Variants in CNTN5 observed in about 807,000 individuals in gnomAD.
CNTN5 encodes the protein contactin 5, also known as contactin-5.
In CNTN5, 77 loss-of-function variants were observed where a neutral mutation model predicts 129.1. The ratio of observed to expected loss-of-function variants is 0.60; its 90% confidence interval spans 0.50 to 0.72. The LOEUF is 0.72. Among genes scored for constraint, CNTN5 ranks in the 30% least tolerant of loss-of-function variants. CNTN5 has a pLI of 0.00. For synonymous variants in CNTN5, 509 were observed against 465.6 expected (o/e 1.09, Z -1.20); for missense variants, 1,478 against 1,328.8 (o/e 1.11, Z -1.75).
intron 19 of CNTN5, 82 bp from the exon 20 acceptor site, chr11:100,299,080 A>AT (rs1349342019): frequency 3.7e-5 from 33 of 886,962 alleles, no homozygotes; most frequent in East Asian, 1.6e-4. Flanking sequence ...GCTATCTATA[A>AT]TTTTTTTTAA....
At chr11:100,002,240 C>T in intron 9 of CNTN5, 104 bp downstream of exon 9, 1 of 652,688 alleles carries the variant, frequency 1.5e-6, no homozygotes, top group South Asian at 2.7e-5. Flanking sequence ...CCCAGTTGTT[C>T]CATGGTGGCT....
rs200731024 is a variant in CNTN5, at chr11:100,193,496, A to G, written c.1717A>G (p.Arg573Gly). The change falls in exon 15 of 25, where the codon AGG (arginine) becomes GGG (glycine). Residue 573 changes from arginine to glycine, a missense_variant. Arg to Gly is a moderately radical substitution (Grantham distance 125, BLOSUM62 -2). Coordinates refer to ENST00000524871, the MANE Select transcript of CNTN5 (RefSeq NM_014361.4). ...IASLSVKEPT[R>G]IELTPKRTEL... ...TATTTTTATTTCTATAGAACCTACA[A>G]GGATAGAACTTACTCCTAAAAGAAC... 1.6e-3 allele frequency: 2,438 copies of G among 1,572,562 alleles called. 25 individuals are homozygous for G. Among genetic ancestry groups the G allele is most frequent in the South Asian group, 0.012 (1,051 of 86,212 alleles).
chr11:99,214,293 G>A (rs919135076), intron 1 of CNTN5, among the ~76,000 whole-genome samples: 4 of 151,556 alleles, frequency 2.6e-5, no homozygotes, highest in Non-Finnish European at 4.4e-5. Flanking sequence ...ACATTTAAGT[G>A]TGACTAGACT....
chr11:99,351,074 G>C (rs760594005), intron 2 of CNTN5, among the ~76,000 whole-genome samples: 2 of 152,120 alleles, frequency 1.3e-5, no homozygotes, highest in Non-Finnish European at 2.9e-5. Flanking sequence ...TGTAGGTGAC[G>C]GGTTGATGGG....
intron 3 of CNTN5, among the ~76,000 whole-genome samples, chr11:99,720,288 T>A (rs563172465): frequency 1.3e-5 from 2 of 152,148 alleles, no homozygotes; most frequent in African/African-American, 4.8e-5. Context: ...AACAAAATAC[T>A]TGCAAACCAA....
intron 6 of CNTN5, among the ~76,000 whole-genome samples, chr11:99,914,225 G>A (rs1449225166): frequency 6.6e-6 from 1 of 152,040 alleles, no homozygotes; most frequent in Non-Finnish European, 1.5e-5. Flanking sequence ...AACAGAGGGA[G>A]GAGGCTCTCA....
At chr11:100,308,981 T>TG in intron 21 of CNTN5, 1 of 985,046 alleles carries the variant, frequency 1.0e-6, no homozygotes, top group Non-Finnish European at 1.2e-6. Flanking sequence ...CTTATAATGG[T>TG]GAACATTTCA....
chr11:99,268,098 G>A (rs1862994312), intron 1 of CNTN5, among the ~76,000 whole-genome samples: 1 of 151,840 alleles, frequency 6.6e-6, no homozygotes, highest in Non-Finnish European at 1.5e-5. Context: ...CTAGCTATTT[G>A]GTTTTAGGCA....
At chr11:99,251,768 T>A (rs1312752794) in intron 1 of CNTN5, among the ~76,000 whole-genome samples, 2 of 151,972 alleles carry the variant, frequency 1.3e-5, no homozygotes, top group Non-Finnish European at 2.9e-5. Context: ...TTTTCATGTA[T>A]GGTAGTAACA....
intron 3 of CNTN5, among the ~76,000 whole-genome samples, chr11:99,579,034 C>A (rs1435566402): frequency 3.9e-5 from 6 of 151,976 alleles, no homozygotes; most frequent in Non-Finnish European, 7.4e-5. Context: ...GATCCAGTTT[C>A]AGCTTTCTAC....
chr11:99,080,979 AG>A (rs1865766349), intron 1 of CNTN5, among the ~76,000 whole-genome samples: 1 of 71,624 alleles, frequency 1.4e-5, no homozygotes, highest in East Asian at 6.1e-4. Context: ...CTGAGAAATC[AG>A]TTTTTTTTTT....
At chr11:99,930,870 A>G (rs554337842) in intron 7 of CNTN5, among the ~76,000 whole-genome samples, 1 of 152,048 alleles carries the variant, frequency 6.6e-6, no homozygotes, top group East Asian at 1.9e-4. Context: ...TGTCTATTTT[A>G]GCAGTTATTT....
chr11:100,004,060 C>G (rs1286556293), intron 9 of CNTN5: 5 of 152,068 alleles, frequency 3.3e-5, no homozygotes, highest in Non-Finnish European at 7.4e-5. Context: ...AACATAATCA[C>G]AGCAATTGCA....
intron 3 of CNTN5, among the ~76,000 whole-genome samples, chr11:99,818,040 A>C (rs888929756): frequency 5.9e-5 from 9 of 152,198 alleles, no homozygotes; most frequent in African/African-American, 2.2e-4. Context: ...CACAGAACAG[A>C]AAATATTAAA....
chr11:99,707,835 TATAAA>T lies in CNTN5; in HGVS notation c.56-111704_56-111700del, dbSNP rs547404674. Among the ~76,000 whole-genome samples the T allele has an allele frequency of 2.0e-5, 3 of 151,696 alleles. No individual in the cohort carries two copies. The Admixed American group carries it at 2.0e-4, about 10-fold the overall frequency. On this transcript the variant is annotated intron_variant, in intron 3 of 24. Transcript: ENST00000524871. ...AAATATGCTCTATTATAATATCTAA[TATAAA>T]ATAATATTTTTAAATGTCCCCCTTT...
At chr11:99,314,697 G>A (rs1196558679) in intron 1 of CNTN5, among the ~76,000 whole-genome samples, 3 of 151,874 alleles carry the variant, frequency 2.0e-5, no homozygotes, top group African/African-American at 4.8e-5. Flanking sequence ...TGAGAGAATA[G>A]GGTAGGGAAA....
intron 3 of CNTN5, among the ~76,000 whole-genome samples, chr11:99,646,301 C>T (rs1204549750): frequency 6.6e-6 from 1 of 152,190 alleles, no homozygotes; most frequent in East Asian, 1.9e-4. Context: ...TACATCTACC[C>T]TAATATACAT....
intron 3 of CNTN5, among the ~76,000 whole-genome samples, chr11:99,707,118 C>T (rs1040891722): frequency 1.3e-5 from 2 of 151,474 alleles, no homozygotes; most frequent in African/African-American, 4.8e-5. Flanking sequence ...TTCTGAAATA[C>T]TGCTCTGTCA....
intron 3 of CNTN5, among the ~76,000 whole-genome samples, chr11:99,657,283 C>G (rs1952411307): frequency 6.6e-6 from 1 of 152,002 alleles, no homozygotes; most frequent in South Asian, 2.1e-4. Context: ...ACAAAAAGCA[C>G]ATAATGGATA....
Sources: gnomAD v4.1 joint callset for allele counts (sites outside exome capture counted in the v4.1 genomes callset) on GRCh38, gnomAD v4.1.1 for gene constraint, MANE v1.5 for transcripts, NCBI Gene and HGNC (gene_info 2026-07-23, HGNC 2026-07-21) for gene names.